ADGRD1: variants seen among roughly 807,000 people sequenced by gnomAD.
The protein encoded by ADGRD1 is G-protein coupled receptor 133.
A neutral mutation model predicts 113.4 loss-of-function variants in ADGRD1; 77 were observed. That is an observed-to-expected ratio of 0.68 (90% confidence interval 0.57 to 0.82). The LOEUF is 0.82. Ranked by LOEUF, ADGRD1 falls within the 40% of genes least tolerant of loss-of-function variation. The probability of loss-of-function intolerance (pLI) is 0.00; values close to 1 mark genes in which losing one functional copy is unlikely to be tolerated. For missense variants in ADGRD1, 1,036 were observed against 1,139.1 expected (o/e 0.91, Z 1.30); for synonymous variants, 474 against 475.0 (o/e 1.00, Z 0.03).
At chr12:131,000,706 A>G (rs1181825163) in intron 9 of ADGRD1, among the ~76,000 whole-genome samples, 1 of 145,338 alleles carries the variant, frequency 6.9e-6, no homozygotes, top group Non-Finnish European at 1.5e-5. Flanking sequence ...GTGCCACTGC[A>G]CTCCAGCCTG....
intron 2 of ADGRD1, among the ~76,000 whole-genome samples, chr12:130,964,963 C>T (rs1190873083): frequency 6.6e-6 from 1 of 152,158 alleles, no homozygotes; most frequent in Non-Finnish European, 1.5e-5. Flanking sequence ...AGCATTTTTA[C>T]AACAAATTTT....
intron 8 of ADGRD1, among the ~76,000 whole-genome samples, chr12:130,995,063 G>A (rs550974369): frequency 5.3e-5 from 8 of 152,340 alleles, no homozygotes; most frequent in African/African-American, 1.4e-4. Flanking sequence ...GCAGTTAGCC[G>A]TGTCATTGTG....
At position 130,963,579 on chromosome 12, in the gene ADGRD1, A is replaced by G. The variant is rs1593262134; in HGVS notation, c.104-2884A>G. 5.9e-5 allele frequency among the ~76,000 whole-genome samples: 9 copies of G among 152,312 alleles called. No homozygotes were observed. The South Asian group carries it at 1.9e-3, about 32-fold the overall frequency. On this transcript the variant is annotated intron_variant, in intron 2 of 24. Coordinates refer to ENST00000261654, the MANE Select transcript of ADGRD1 (RefSeq NM_198827.5). ...TTTATCATCTTTTTAAAAATTAGAC[A>G]ATATCAATGAAAGAATATGCCATCT...
At chr12:131,071,568 A>G (rs1885172173) in intron 13 of ADGRD1, among the ~76,000 whole-genome samples, 1 of 152,132 alleles carries the variant, frequency 6.6e-6, no homozygotes, top group Non-Finnish European at 1.5e-5. Context: ...GACACTCAGG[A>G]CCTCTTTCCC....
At chr12:131,136,547 G>C (rs191626438) in intron 22 of ADGRD1, among the ~76,000 whole-genome samples, 1 of 152,224 alleles carries the variant, frequency 6.6e-6, no homozygotes, top group African/African-American at 2.4e-5. Flanking sequence ...CTTGGGATGC[G>C]CAGGGTCAGG....
chr12:131,076,748 C>G (rs778124893), intron 13 of ADGRD1, 53 bp from the exon 14 acceptor site: 2 of 1,495,484 alleles, frequency 1.3e-6, no homozygotes, highest in Non-Finnish European at 1.9e-6. Flanking sequence ...GTGCTGAGAA[C>G]CAGGGGCCTC....
chr12:131,118,295 G>A lies in ADGRD1; in HGVS notation c.2042-90G>A, dbSNP rs1329069802. The A allele has an allele frequency of 2.1e-5, 18 of 848,600 alleles. No individual in the cohort carries two copies. The East Asian group carries it at 4.6e-4, about 22-fold the overall frequency. 52.6% of individuals were successfully genotyped at this position (848,600 alleles called of 1,614,324 possible). A position where few individuals can be genotyped will look rare whatever the true frequency, so the allele number is the denominator to read the frequency against. ...TGTATACATGTATGAGGTGTACAAG[G>A]AATGAAGAAAGGAAGGGAGGGATGG... On this transcript the variant is annotated intron_variant, in intron 18 of 24. Coordinates refer to ENST00000261654, the MANE Select transcript of ADGRD1 (RefSeq NM_198827.5).
chr12:131,002,396 T>C (rs1876498280), intron 9 of ADGRD1: 1 of 432,050 alleles, frequency 2.3e-6, no homozygotes, highest in South Asian at 9.7e-5. Context: ...AAAGCAAATA[T>C]CTAAAATTGG....
chr12:130,999,389 G>C (rs866654079), intron 8 of ADGRD1, among the ~76,000 whole-genome samples: 18 of 152,198 alleles, frequency 1.2e-4, no homozygotes, highest in Non-Finnish European at 2.1e-4. Context: ...AGGCAGGATG[G>C]TGATTATTCC....
At position 130,995,994 on chromosome 12, in the gene ADGRD1, G is replaced by T. The variant is rs918930400; in HGVS notation, c.966+3602G>T. 4.6e-5 allele frequency among the ~76,000 whole-genome samples: 7 copies of T among 152,050 alleles called. 1 individual carries two copies. In the South Asian group the frequency reaches 1.5e-3, roughly 32 times the overall value. On this transcript the variant is annotated intron_variant, in intron 8 of 24. Coordinates refer to ENST00000261654, the MANE Select transcript of ADGRD1 (RefSeq NM_198827.5). ...GGTGATGACTCTTAACGAGCATGCT[G>T]CCTTCAAGCATCTGTTTAACAAAGC...
intron 8 of ADGRD1, 117 bp downstream of exon 8, chr12:130,992,509 G>A: frequency 1.1e-6 from 1 of 936,720 alleles, no homozygotes. Context: ...TTACTGAAAC[G>A]TTTGGGTTTC....
At chr12:131,132,213 A>C (rs1266175412) in intron 21 of ADGRD1, among the ~76,000 whole-genome samples, 1 of 152,110 alleles carries the variant, frequency 6.6e-6, no homozygotes, top group Non-Finnish European at 1.5e-5. Context: ...CGCCTTCCTC[A>C]CGTGCAGAAC....
rs1188564781 is a variant in ADGRD1 at position 130,968,963 on chromosome 12, G to A, written c.187+2417G>A. 1.2e-5 allele frequency: 18 copies of A among 1,483,196 alleles called. No homozygotes were observed. The Admixed American group carries it at 3.4e-4, about 28-fold the overall frequency. The allele number at this position is 1,483,196 out of a possible 1,614,324, so 91.9% of individuals were successfully genotyped here. A position where few individuals can be genotyped will look rare whatever the true frequency, so the allele number is the denominator to read the frequency against. ...CTCACTTGCTGTGCTTTTTCTTTTT[G>A]TTGTTTCACCCAGCGTCCCGAACCC... On this transcript the variant is annotated intron_variant, in intron 3 of 24. Coordinates refer to ENST00000261654, the MANE Select transcript of ADGRD1 (RefSeq NM_198827.5).
chr12:131,120,276 T>A (rs1227706312), intron 19 of ADGRD1, among the ~76,000 whole-genome samples: 2 of 152,120 alleles, frequency 1.3e-5, no homozygotes, highest in Non-Finnish European at 2.9e-5. Flanking sequence ...GCTCTGGAGA[T>A]AAAATTGTGG....
chr12:131,115,380 C>T (rs1476962173), intron 18 of ADGRD1, among the ~76,000 whole-genome samples: 2 of 152,128 alleles, frequency 1.3e-5, no homozygotes, highest in East Asian at 1.9e-4. Context: ...TCAAGAGCCC[C>T]GAGGGGCAGG....
chr12:131,030,405 C>G (rs114871352), intron 13 of ADGRD1, among the ~76,000 whole-genome samples: 7,318 of 151,530 alleles, frequency 0.048, 386 homozygotes, highest in African/African-American at 0.12. Flanking sequence ...GGCAGTGGCT[C>G]TATCTCCGAG....
intron 12 of ADGRD1, among the ~76,000 whole-genome samples, chr12:131,007,885 G>GA (rs1393608652): frequency 7.5e-5 from 8 of 106,430 alleles, no homozygotes; most frequent in African/African-American, 1.7e-4. Context: ...AATTCACCTG[G>GA]AAAAAAATCA....
chr12:131,041,776 C>T lies in ADGRD1; in HGVS notation c.1473+27436C>T, dbSNP rs75489546. On this transcript the variant is annotated intron_variant, in intron 13 of 24. Coordinates refer to ENST00000261654, the MANE Select transcript of ADGRD1 (RefSeq NM_198827.5). This position sits in a 1 kb window ranked among gnomAD's most constrained non-coding sequence, Gnocchi z 4.4. Reference sequence around the variant, plus strand: ...TCCCCCTGCCTGGCGCCTCTGCCTGCACCCGCCTGGGAAGCACATTCTCCC... The same window carrying T: ...TCCCCCTGCCTGGCGCCTCTGCCTGTACCCGCCTGGGAAGCACATTCTCCC... 0.029 allele frequency among the ~76,000 whole-genome samples: 4,472 copies of T among 152,316 alleles called. 94 individuals carry two copies. The highest frequency in any genetic ancestry group is 0.045 in the Non-Finnish European group (3,092 of 68,022).
chr12:131,039,116 A>G (rs1029911201), intron 13 of ADGRD1, among the ~76,000 whole-genome samples: 3 of 152,214 alleles, frequency 2.0e-5, no homozygotes, highest in African/African-American at 7.2e-5. Context: ...GCAGGAACGC[A>G]TGGAGCCTGT....
Sources: allele counts gnomAD v4.1 joint callset (sites outside exome capture counted in the v4.1 genomes callset), GRCh38; gene constraint gnomAD v4.1.1; non-coding constraint Gnocchi (gnomAD v3.1); transcripts MANE v1.5; gene names NCBI Gene and HGNC (gene_info 2026-07-23, HGNC 2026-07-21).